Variants in LRBA observed in about 807,000 individuals in gnomAD.
LRBA encodes the protein LPS responsive beige-like anchor protein.
In LRBA, 176 loss-of-function variants were observed where a neutral mutation model predicts 330.0. That is an observed-to-expected ratio of 0.53 (90% CI 0.47 to 0.60). The LOEUF (loss-of-function observed/expected upper bound fraction) is 0.60. Ranked by LOEUF, LRBA falls within the 20% of genes least tolerant of loss-of-function variation. The probability of loss-of-function intolerance (pLI) is 0.00; values close to 1 mark genes in which losing one functional copy is unlikely to be tolerated. For missense variants in LRBA, 3,259 were observed against 3,444.8 expected (o/e 0.95, Z 1.35); for synonymous variants, 1,230 against 1,193.0 (o/e 1.03, Z -0.64).
chr4:150,991,001 T>C (rs1394556355), intron 2 of LRBA, among the ~76,000 whole-genome samples: 1 of 144,326 alleles, frequency 6.9e-6, no homozygotes, highest in Non-Finnish European at 1.5e-5. Flanking sequence ...TGCACTGAGC[T>C]GAGATTGTGC....
At chr4:150,724,838 C>T (rs1169284726) in intron 36 of LRBA, among the ~76,000 whole-genome samples, 1 of 147,292 alleles carries the variant, frequency 6.8e-6, no homozygotes, top group Non-Finnish European at 1.5e-5. Context: ...CAGACCCTGT[C>T]TCAAAAAATA....
At chr4:150,715,157 A>G (rs893770521) in intron 36 of LRBA, among the ~76,000 whole-genome samples, 2 of 152,166 alleles carry the variant, frequency 1.3e-5, no homozygotes, top group East Asian at 1.9e-4. Context: ...ATAAATTTAT[A>G]CCCAACCACA....
At chr4:150,605,311 G>A (rs1490094161) in intron 37 of LRBA, among the ~76,000 whole-genome samples, 1 of 152,072 alleles carries the variant, frequency 6.6e-6, no homozygotes, top group Non-Finnish European at 1.5e-5. Flanking sequence ...AAAAGTATAT[G>A]AGTTTTAAAA....
At chr4:150,340,672 C>T (rs370713112) in intron 48 of LRBA, among the ~76,000 whole-genome samples, 241 of 152,304 alleles carry the variant, frequency 1.6e-3, no homozygotes, top group African/African-American at 5.6e-3. Flanking sequence ...TTTCATCTTT[C>T]ATGAGTTTTC....
chr4:151,014,653 C>T lies in LRBA; in HGVS notation c.-11G>A. On this transcript the variant is annotated 5_prime_UTR_variant, in exon 2 of 57. In the 5' UTR this introduces an upstream ATG that the reference lacks. Coordinates refer to ENST00000651943, the MANE Select transcript of LRBA (RefSeq NM_001364905.1). ...GTCTTCGCTAGCCATTGCTAGCTCA[C>T]GATAAAGGACAACTCAGAGTCACCC... 2 of 1,575,090 alleles carry T rather than the reference C, an allele frequency of 1.3e-6. No individual in the cohort carries two copies. Among genetic ancestry groups the T allele is most frequent in the Non-Finnish European group, 1.7e-6 (2 of 1,154,814 alleles).
intron 2 of LRBA, among the ~76,000 whole-genome samples, chr4:151,010,887 T>TAA (rs781407120): frequency 2.2e-4 from 17 of 77,470 alleles, no homozygotes; most frequent in South Asian, 7.9e-4. Context: ...CCCTCTCAAT[T>TAA]AAAAAAAAAA....
chr4:150,433,492 C>T (rs1750701451), intron 46 of LRBA, among the ~76,000 whole-genome samples: 1 of 151,976 alleles, frequency 6.6e-6, no homozygotes, highest in Non-Finnish European at 1.5e-5. Flanking sequence ...TATTATAAAG[C>T]AGCAAAACAT....
intron 55 of LRBA, among the ~76,000 whole-genome samples, chr4:150,281,202 C>A (rs1553989102): frequency 2.0e-5 from 3 of 152,128 alleles, no homozygotes; most frequent in Non-Finnish European, 4.4e-5. Context: ...AGATTATCCA[C>A]ATTATTATTG....
In LRBA at chr4:150,902,030, C is replaced by T. The variant is rs116261458; in HGVS notation, c.1756-1813G>A. Among the ~76,000 whole-genome samples, 645 of 152,036 alleles carry T rather than the reference C, an allele frequency of 4.2e-3. 3 individuals are homozygous for T. Among genetic ancestry groups the T allele is most frequent in the African/African-American group, 0.015 (623 of 41,460 alleles). ...AATACAGTTGAAAAGATTAAAAAAA[C>T]ACTTATATTTAAGCAAAACAAATCA... On this transcript the variant is annotated intron_variant, in intron 13 of 56. Coordinates refer to ENST00000651943, the MANE Select transcript of LRBA (RefSeq NM_001364905.1).
intron 40 of LRBA, among the ~76,000 whole-genome samples, chr4:150,502,658 A>C (rs554732911): frequency 8.5e-5 from 13 of 152,344 alleles, no homozygotes; most frequent in African/African-American, 3.1e-4. Flanking sequence ...CTGCATTTCC[A>C]ACTGAGGTAC....
chr4:150,878,825 C>G (rs990238072), intron 17 of LRBA, among the ~76,000 whole-genome samples: 2 of 151,112 alleles, frequency 1.3e-5, no homozygotes, highest in African/African-American at 4.9e-5. Context: ...AACTGTATAC[C>G]TGCTTAAATT....
At chr4:150,824,049 C>A (rs534694587) in intron 30 of LRBA, among the ~76,000 whole-genome samples, 2 of 152,202 alleles carry the variant, frequency 1.3e-5, no homozygotes, top group South Asian at 4.2e-4. Context: ...ACTATTAATT[C>A]TTCCAATCCA....
intron 4 of LRBA, among the ~76,000 whole-genome samples, chr4:150,925,025 C>T (rs756097398): frequency 6.6e-6 from 1 of 151,928 alleles, no homozygotes; most frequent in African/African-American, 2.4e-5. Context: ...CAAAAATTAG[C>T]CTGGCATGGT....
chr4:150,302,888 T>C, intron 52 of LRBA, 96 bp from the exon 53 acceptor site: 1 of 792,082 alleles, frequency 1.3e-6, no homozygotes, highest in East Asian at 2.9e-5. Flanking sequence ...ATATGAACTC[T>C]GATGGTCATA....
intron 36 of LRBA, among the ~76,000 whole-genome samples, chr4:150,690,727 A>C (rs1458321324): frequency 1.3e-5 from 2 of 152,072 alleles, no homozygotes; most frequent in Non-Finnish European, 2.9e-5. Context: ...CATACAAAAA[A>C]TACTTAATTC....
chr4:150,518,549 C>A (rs1212002599), intron 40 of LRBA, among the ~76,000 whole-genome samples: 2 of 151,842 alleles, frequency 1.3e-5, no homozygotes, highest in African/African-American at 4.8e-5. Context: ...CCTTTTTTTC[C>A]CTACTTTAAC....
At chr4:150,490,862 A>G in intron 41 of LRBA, 56 bp downstream of exon 41, 1 of 998,506 alleles carries the variant, frequency 1.0e-6, no homozygotes, top group Non-Finnish European at 1.5e-6. Flanking sequence ...TTCAAAAATG[A>G]AATCTTAAAG....
At chr4:150,897,900 G>A in intron 14 of LRBA, 82 bp from the exon 15 acceptor site, 1 of 881,334 alleles carries the variant, frequency 1.1e-6, no homozygotes, top group Non-Finnish European at 1.8e-6. Context: ...ATTCCCAACA[G>A]CTTTTCCATG....
chr4:150,383,287 C>T (rs1278739341), intron 47 of LRBA, among the ~76,000 whole-genome samples: 2 of 152,164 alleles, frequency 1.3e-5, no homozygotes, highest in South Asian at 4.1e-4. Flanking sequence ...CGCTTTGTCA[C>T]CCAGGCTGGA....
Sources: gnomAD v4.1 joint callset for allele counts (sites outside exome capture counted in the v4.1 genomes callset) on GRCh38, gnomAD v4.1.1 for gene constraint, MANE v1.5 for transcripts, NCBI Gene and HGNC (gene_info 2026-07-23, HGNC 2026-07-21) for gene names.